The following ESR1 variants were observed in gnomAD, a reference collection of about 807,000 sequenced individuals.
ESR1 encodes the protein estrogen receptor.
A neutral mutation model predicts 52.7 loss-of-function variants in ESR1; 12 were observed. The ratio of observed to expected loss-of-function variants is 0.23; its 90% confidence interval spans 0.15 to 0.37. The LOEUF is 0.37. ESR1 is among the 10% of genes least tolerant of loss of function. ESR1 has a pLI of 1.00. For missense variants in ESR1, 584 were observed against 779.7 expected (o/e 0.75, Z 2.99); for synonymous variants, 305 against 316.8 (o/e 0.96, Z 0.39).
chr6:152,047,559 A>G (rs1304116637), intron 5 of ESR1, among the ~76,000 whole-genome samples: 1 of 152,054 alleles, frequency 6.6e-6, no homozygotes, highest in Non-Finnish European at 1.5e-5. Flanking sequence ...TTGCCAGTGG[A>G]ATGAACGGGT....
chr6:151,793,305 C>T (rs1776378991), intron 2 of ESR1, among the ~76,000 whole-genome samples: 2 of 152,098 alleles, frequency 1.3e-5, no homozygotes, highest in Non-Finnish European at 2.9e-5. Flanking sequence ...ACTGGAAAGT[C>T]CTCAGGGACA....
At chr6:151,952,878 T>G (rs927176767) in intron 4 of ESR1, among the ~76,000 whole-genome samples, 3 of 152,228 alleles carry the variant, frequency 2.0e-5, no homozygotes, top group Non-Finnish European at 2.9e-5. Context: ...GTCGTATATG[T>G]GCAAAATAAA....
At chr6:152,038,033 C>T (rs1188845222) in intron 5 of ESR1, among the ~76,000 whole-genome samples, 1 of 152,208 alleles carries the variant, frequency 6.6e-6, no homozygotes, top group East Asian at 1.9e-4. Flanking sequence ...GGCAAGGAAG[C>T]CAGTCTGAGT....
In ESR1 at chr6:152,099,732, G is replaced by A. The variant is rs1344563815; in HGVS notation, c.*766G>A. ...AGAGCAGCAAGTTGATCTTAGTTAA[G>A]TCTCCCTATATGAGGGATAAGTTCC... On this transcript the variant is annotated 3_prime_UTR_variant, in exon 8 of 8. Coordinates refer to ENST00000206249, the MANE Select transcript of ESR1 (RefSeq NM_000125.4). 6 of 315,998 alleles carry A rather than the reference G, an allele frequency of 1.9e-5. No individual in the cohort carries two copies. Among genetic ancestry groups the A allele is most frequent in the Admixed American group, 5.0e-5 (1 of 20,066 alleles). 19.6% of individuals were successfully genotyped at this position (315,998 alleles called of 1,614,324 possible).
intron 2 of ESR1, among the ~76,000 whole-genome samples, chr6:151,857,673 C>T (rs534244415): frequency 1.1e-4 from 16 of 152,144 alleles, no homozygotes; most frequent in African/African-American, 3.4e-4. Context: ...GGATTACAGG[C>T]GCCTGCCACC....
chr6:152,031,153 C>T (rs1052161089), intron 5 of ESR1, among the ~76,000 whole-genome samples: 5 of 152,116 alleles, frequency 3.3e-5, no homozygotes, highest in African/African-American at 9.7e-5. Context: ...GTAGAGGGAA[C>T]TTTATAGCAC....
intron 2 of ESR1, 80 bp from the exon 3 acceptor site, chr6:151,880,575 C>T (rs1792734893): frequency 1.2e-6 from 1 of 863,040 alleles, no homozygotes. Context: ...AGGAAAACAG[C>T]CTCCAAAAGG....
At chr6:151,903,102 T>C (rs928659827) in intron 3 of ESR1, among the ~76,000 whole-genome samples, 1 of 152,224 alleles carries the variant, frequency 6.6e-6, no homozygotes, top group Non-Finnish European at 1.5e-5. Flanking sequence ...GACGACAGAA[T>C]GTATTTTGTC....
rs185775221 is a variant in ESR1 at position 152,098,906 on chromosome 6, G to T, written c.1728G>T (p.Ser576=). 9.9e-5 allele frequency: 159 copies of T among 1,614,184 alleles called. No homozygotes were observed. Among genetic ancestry groups the T allele is most frequent in the Admixed American group, 3.0e-4 (18 of 60,028 alleles). Residue 576 remains serine, a synonymous_variant, in exon 8 of 8, where the codon TCG becomes TCT. Coordinates refer to ENST00000206249, the MANE Select transcript of ESR1 (RefSeq NM_000125.4). The surrounding 1 kb of genome is among the most constrained non-coding windows in gnomAD (Gnocchi z 5.1). ...SHLATAGSTS[S]HSLQKYYITG... ...TGGCCACTGCGGGCTCTACTTCATCGCATTCCTTGCAAAAGTATTACATCA... is the reference window on the plus strand; with the variant it reads ...TGGCCACTGCGGGCTCTACTTCATCTCATTCCTTGCAAAAGTATTACATCA...
chr6:151,993,388 C>T (rs2041200844), intron 4 of ESR1, among the ~76,000 whole-genome samples: 1 of 152,156 alleles, frequency 6.6e-6, no homozygotes, highest in Non-Finnish European at 1.5e-5. Flanking sequence ...ATTAGCTTCT[C>T]TTCTCTGGGT....
chr6:151,749,794 T>C (rs1379368123), intron 2 of ESR1, among the ~76,000 whole-genome samples: 3 of 151,964 alleles, frequency 2.0e-5, no homozygotes, highest in African/African-American at 7.3e-5. Flanking sequence ...TTTAGCTCCG[T>C]GGGGGAAAAA....
chr6:151,973,722 A>C (rs575804162), intron 4 of ESR1, among the ~76,000 whole-genome samples: 1 of 152,310 alleles, frequency 6.6e-6, no homozygotes, highest in African/African-American at 2.4e-5. Context: ...CAGGAGGGCC[A>C]ATAAGTATGA....
chr6:151,916,215 G>A (rs1029009257), intron 3 of ESR1, among the ~76,000 whole-genome samples: 8 of 152,180 alleles, frequency 5.3e-5, no homozygotes, highest in African/African-American at 1.9e-4. Flanking sequence ...GGTTTTAATG[G>A]GGAGTTGCTA....
intron 3 of ESR1, among the ~76,000 whole-genome samples, chr6:151,905,787 C>T (rs7772475): frequency 0.12 from 17,586 of 152,130 alleles, 2,015 homozygotes; most frequent in African/African-American, 0.28. Flanking sequence ...GGCAAGATAG[C>T]CTTTTCTGTT....
chr6:152,125,164 G>T, intron 6 of ESR1: 2 of 1,396,184 alleles, frequency 1.4e-6, no homozygotes, highest in Non-Finnish European at 9.6e-7. Context: ...AGGGACTCAG[G>T]CTTCCAAAAT....
intron 2 of ESR1, among the ~76,000 whole-genome samples, chr6:151,856,528 A>C (rs827419): frequency 0.27 from 41,121 of 152,146 alleles, 6,606 homozygotes; most frequent in Middle Eastern, 0.38. Context: ...AAATTGTGGC[A>C]GTAAAACTGA....
chr6:151,944,275 C>T lies in ESR1; in HGVS notation c.863C>T (p.Ala288Val), dbSNP rs2035452275. 1 of 1,614,034 alleles carries T rather than the reference C, an allele frequency of 6.2e-7. No individual in the cohort carries two copies. The highest frequency in any genetic ancestry group is 1.1e-5 in the South Asian group (1 of 91,078). The change falls in exon 4 of 8, where the codon GCT (alanine) becomes GTT (valine). Residue 288 changes from alanine (A) to valine (V), a missense_variant. This residue lies in a region of ESR1 where 88 missense variants were observed against 88.3 expected (regional missense o/e 1.00). Coordinates refer to ENST00000206249, the MANE Select transcript of ESR1 (RefSeq NM_000125.4). ...GEVGSAGDMR[A>V]ANLWPSPLMI... ...GTGGGGTCTGCTGGAGACATGAGAG[C>T]TGCCAACCTTTGGCCAAGCCCGCTC...
At chr6:151,949,443 C>G (rs1311260685) in intron 4 of ESR1, among the ~76,000 whole-genome samples, 2 of 152,204 alleles carry the variant, frequency 1.3e-5, no homozygotes, top group African/African-American at 4.8e-5. Context: ...AAACCCTGCT[C>G]TCAAACTGTT....
chr6:151,760,594 GA>G (rs1391773420), intron 2 of ESR1, among the ~76,000 whole-genome samples: 6 of 152,084 alleles, frequency 3.9e-5, no homozygotes, highest in African/African-American at 1.4e-4. Flanking sequence ...GGTAAATGTG[GA>G]ATTTGCAGAT....
Sources: gnomAD v4.1 joint callset for allele counts (sites outside exome capture counted in the v4.1 genomes callset) on GRCh38, gnomAD v4.1.1 for gene constraint, gnomAD v4.1.1 regional missense constraint, Gnocchi (gnomAD v3.1) non-coding constraint, MANE v1.5 for transcripts, NCBI Gene and HGNC (gene_info 2026-07-23, HGNC 2026-07-21) for gene names.